NLRP7: variants seen among roughly 807,000 people sequenced by gnomAD.
NLRP7 encodes NACHT, LRR and PYD domains-containing protein 7.
Under a neutral mutation model 85.5 loss-of-function variants are expected in NLRP7, and 72 were observed. That is an observed-to-expected ratio of 0.84 (90% CI 0.70 to 1.02). The LOEUF is 1.02. Ranked by LOEUF, NLRP7 falls within the 50% of genes least tolerant of loss-of-function variation. The probability of loss-of-function intolerance (pLI) is 0.00; values close to 1 mark genes in which losing one functional copy is unlikely to be tolerated. For synonymous variants in NLRP7, 550 were observed against 505.2 expected (o/e 1.09, Z -1.19); for missense variants, 1,243 against 1,219.5 (o/e 1.02, Z -0.29).
intron 1 of NLRP7, among the ~76,000 whole-genome samples, chr19:54,942,394 G>A (rs2073178443): frequency 6.6e-6 from 1 of 151,638 alleles, no homozygotes; most frequent in African/African-American, 2.4e-5. Flanking sequence ...CACACTGATA[G>A]TACAAAATCA....
At chr19:54,935,744 C>T (rs1250449258) in intron 6 of NLRP7, among the ~76,000 whole-genome samples, 1 of 151,658 alleles carries the variant, frequency 6.6e-6, no homozygotes, top group African/African-American at 2.4e-5. Context: ...AGGTTGCATG[C>T]TCCTTATGAA....
intron 9 of NLRP7, among the ~76,000 whole-genome samples, chr19:54,926,021 A>T (rs2068420364): frequency 6.6e-6 from 1 of 151,198 alleles, no homozygotes; most frequent in Non-Finnish European, 1.5e-5. Flanking sequence ...GACAGATTCA[A>T]AAAAAAAGAC....
chr19:54,950,762 T>C (rs1372265916), upstream of NLRP7, among the ~76,000 whole-genome samples: 1 of 151,930 alleles, frequency 6.6e-6, no homozygotes, highest in African/African-American at 2.4e-5. Context: ...GACAGATGCC[T>C]TCCTCTTGTC....
rs369045322 is a variant in NLRP7 at position 54,927,792 on chromosome 19, T to G, written c.2810+2707A>C. On this transcript the variant is annotated intron_variant, in intron 9 of 9. Transcript: ENST00000340844. Reference sequence around the variant, plus strand: ...CTCCAGAGGCTGTTGAGGAAGAACATGGAAATCCACGCATTCACTGAGCAG... The same window carrying G: ...CTCCAGAGGCTGTTGAGGAAGAACAGGGAAATCCACGCATTCACTGAGCAG... The G allele has an allele frequency of 1.3e-5, 21 of 1,612,022 alleles. No individual in the cohort carries two copies. Among genetic ancestry groups the G allele is most frequent in the Middle Eastern group, 3.3e-4 (2 of 6,044 alleles).
upstream of NLRP7, chr19:54,947,736 G>A: frequency 1.0e-6 from 1 of 999,122 alleles, no homozygotes; most frequent in South Asian, 1.3e-5. Context: ...CTCCCCAGGT[G>A]AGATTAATGT....
exon 5 of NLRP7, chr19:54,938,189 G>T: frequency 6.2e-7 from 1 of 1,614,082 alleles, no homozygotes; most frequent in East Asian, 2.2e-5. Flanking sequence ...GTCCAGAGGC[G>T]AAGAGAGCGA....
exon 4 of NLRP7, chr19:54,940,086 C>G: frequency 6.2e-7 from 1 of 1,614,198 alleles, no homozygotes; most frequent in Non-Finnish European, 8.5e-7. Flanking sequence ...ATTCTCTGTG[C>G]TTGGGCTAGG....
intron 1 of NLRP7, among the ~76,000 whole-genome samples, chr19:54,943,370 G>C (rs1218308711): frequency 1.3e-5 from 2 of 152,144 alleles, no homozygotes; most frequent in Non-Finnish European, 2.9e-5. Context: ...GGGAGGCCGA[G>C]GCAGGCGGAT....
chr19:54,928,109 A>T (rs1295710422), intron 9 of NLRP7, among the ~76,000 whole-genome samples: 3 of 152,130 alleles, frequency 2.0e-5, no homozygotes, highest in Non-Finnish European at 4.4e-5. Flanking sequence ...AATGCTAGCT[A>T]CTTGGGAGGC....
At position 54,938,085 on chromosome 19, in the gene NLRP7, A is replaced by T; in HGVS notation, c.2088T>A (p.Cys696Ter). The T allele has an allele frequency of 6.2e-7, 1 of 1,614,146 alleles. No homozygotes were observed. Among genetic ancestry groups the T allele is most frequent in the Non-Finnish European group, 8.5e-7 (1 of 1,180,024 alleles). Residue 696 changes from cysteine to a stop codon, truncating the protein, a stop_gained, in exon 5 of 10, where the codon TGT becomes TGA. Coordinates refer to ENST00000340844, the Ensembl canonical transcript of NLRP7. LOFTEE classifies it high-confidence loss of function. ...GACAGGTGCTACGGGTTACGTGGTC[A>T]CAAAGAATCCGCACAGAAGAGTCAC...
chr19:54,940,064 A>G (rs1290026119), exon 4 of NLRP7: 2 of 1,614,146 alleles, frequency 1.2e-6, no homozygotes, highest in Non-Finnish European at 8.5e-7. Context: ...AAGGCCATCG[A>G]CCACGAACAG....
chr19:54,938,303 C>T (rs2069033657), intron 4 of NLRP7, 62 bp from the exon 5 acceptor site: 15 of 1,377,566 alleles, frequency 1.1e-5, no homozygotes, highest in Admixed American at 3.4e-5. Context: ...TGGGCATCTG[C>T]AAACCACATT....
chr19:54,940,528 C>A, intron 3 of NLRP7, 62 bp from the exon 4 acceptor site: 1 of 1,582,664 alleles, frequency 6.3e-7, no homozygotes, highest in Non-Finnish European at 8.6e-7. Flanking sequence ...ATTATTTTGT[C>A]AAGTACCAGA....
Position 54,939,650 on chromosome 19 carries a change from CG to C in NLRP7, c.1168del (p.Arg390AlafsTer26), listed in dbSNP as rs751622514. 2 of 1,611,766 alleles carry C rather than the reference CG, an allele frequency of 1.2e-6. No homozygotes were observed. The highest frequency in any genetic ancestry group is 3.3e-5 in the Admixed American group (2 of 59,836). On this transcript the variant is annotated frameshift_variant, in exon 4 of 10. Coordinates refer to ENST00000340844, the Ensembl canonical transcript of NLRP7. LOFTEE classifies it high-confidence loss of function. Reference sequence around the variant, plus strand: ...GAGGAAACGCAGGAACAGCCCCGTGCGGGTGAGGCAGGTGGGGACCGGGTCC... The same window carrying C: ...GAGGAAACGCAGGAACAGCCCCGTGCGGTGAGGCAGGTGGGGACCGGGTCC...
chr19:54,951,533 C>T (rs2069668379), upstream of NLRP7, among the ~76,000 whole-genome samples: 1 of 151,928 alleles, frequency 6.6e-6, no homozygotes, highest in African/African-American at 2.4e-5. Flanking sequence ...CTGGGTGCAA[C>T]AGAGTGAGAC....
At chr19:54,927,524 C>G in intron 9 of NLRP7, 81 bp downstream of exon 10, 3 of 1,445,108 alleles carry the variant, frequency 2.1e-6, no homozygotes, top group Non-Finnish European at 1.9e-6. Context: ...CCACTGCACT[C>G]CAGCCTGAAT....
intron 1 of NLRP7, among the ~76,000 whole-genome samples, chr19:54,958,535 CT>C (rs2069931872): frequency 6.6e-6 from 1 of 152,016 alleles, no homozygotes; most frequent in South Asian, 2.1e-4. Context: ...ATCCCAGCTA[CT>C]CTGGAGGCTG....
intron 9 of NLRP7, 99 bp downstream of exon 10, chr19:54,927,506 A>G: frequency 8.2e-7 from 1 of 1,221,510 alleles, no homozygotes; most frequent in East Asian, 2.4e-5. Flanking sequence ...CGGTGAGCCA[A>G]GATTGCGCCA....
chr19:54,926,094 G>A (rs1407098771), intron 9 of NLRP7, among the ~76,000 whole-genome samples: 1 of 151,944 alleles, frequency 6.6e-6, no homozygotes, highest in Non-Finnish European at 1.5e-5. Flanking sequence ...ATAAGTCATT[G>A]AAAAGATATA....
Sources: gnomAD v4.1 joint callset for allele counts (sites outside exome capture counted in the v4.1 genomes callset) on GRCh38, gnomAD v4.1.1 for gene constraint, MANE v1.5 for transcripts, NCBI Gene and HGNC (gene_info 2026-07-23, HGNC 2026-07-21) for gene names.